Variants in IFT70A observed in about 807,000 individuals in gnomAD.
IFT70A encodes the protein intraflagellar transport 70A, also known as intraflagellar transport protein 70A.
chr2:177,616,917 T>C, the IFT70A span: 1 of 1,597,450 alleles, frequency 6.3e-7, no homozygotes, highest in South Asian at 1.1e-5. Flanking sequence ...TTGACATGTT[T>C]TCTAACAAGG....
the IFT70A span, chr2:177,614,295 G>A: frequency 2.6e-5 from 4 of 152,142 alleles, no homozygotes; most frequent in African/African-American, 7.2e-5. Flanking sequence ...AGTAAGGCAA[G>A]TGTCCTCTAA....
chr2:177,616,940 T>A, the IFT70A span: 4 of 1,604,834 alleles, frequency 2.5e-6, no homozygotes, highest in Admixed American at 6.9e-5. Context: ...AGGAAGCATC[T>A]TTTGGCATAA....
At chr2:177,618,272 C>G in the IFT70A span, 1 of 1,614,274 alleles carries the variant, frequency 6.2e-7, no homozygotes, top group Admixed American at 1.7e-5. Flanking sequence ...TCTTCTCCCC[C>G]TTCCCCACTC....
At chr2:177,616,743 C>A in the IFT70A span, 1 of 1,544,956 alleles carries the variant, frequency 6.5e-7, no homozygotes. Context: ...TCAAAGCTTT[C>A]AATTGTCTGG....
the IFT70A span, chr2:177,617,494 T>C: frequency 1.9e-6 from 3 of 1,614,208 alleles, no homozygotes; most frequent in African/African-American, 4.0e-5. Flanking sequence ...ATCATCTCTG[T>C]TGTGTCTTGC....
chr2:177,616,880 C>A, the IFT70A span: 1 of 1,593,592 alleles, frequency 6.3e-7, no homozygotes. Flanking sequence ...TCTTGAATAA[C>A]ACTGTCATGA....
At chr2:177,618,148 C>A in the IFT70A span, 1 of 1,614,206 alleles carries the variant, frequency 6.2e-7, no homozygotes. Context: ...AGGCTGGTAG[C>A]CCGAGGCCTG....
chr2:177,616,749 T>C, the IFT70A span: 1 of 1,557,712 alleles, frequency 6.4e-7, no homozygotes, highest in Non-Finnish European at 8.6e-7. Flanking sequence ...CTTTCAATTG[T>C]CTGGACTCAT....
chr2:177,617,814 C>G, the IFT70A span: 4 of 1,614,162 alleles, frequency 2.5e-6, no homozygotes, highest in Non-Finnish European at 3.4e-6. Flanking sequence ...CATCCATGTT[C>G]ATTAGTGCCT....
chr2:177,616,672 G>GCCATTTTGAAAAAAGCCACTAT, the IFT70A span: 8 of 1,467,052 alleles, frequency 5.5e-6, no homozygotes, highest in Non-Finnish European at 7.2e-6. Context: ...ACGTAAGAAA[G>GCCATTTTGAAAAAAGCCACTAT]CCATTTTGAA....
the IFT70A span, chr2:177,615,768 T>C: frequency 5.3e-5 from 8 of 152,140 alleles, no homozygotes; most frequent in Admixed American, 1.3e-4. Flanking sequence ...ATAGTTCAAA[T>C]GATTGTGAAA....
chr2:177,617,247 T>C, the IFT70A span: 4 of 1,585,096 alleles, frequency 2.5e-6, no homozygotes, highest in Non-Finnish European at 3.4e-6. Flanking sequence ...GCTTCTTGAC[T>C]ATGGGTTCAT....
At chr2:177,616,682 A>T in the IFT70A span, 1 of 1,461,654 alleles carries the variant, frequency 6.8e-7, no homozygotes, top group South Asian at 1.7e-5. Context: ...GCCATTTTGA[A>T]AAAAGCCACT....
the IFT70A span, chr2:177,617,936 G>T: frequency 6.2e-7 from 1 of 1,614,178 alleles, no homozygotes; most frequent in Non-Finnish European, 8.5e-7. Flanking sequence ...GCTGCCTTAA[G>T]GTTGAAGGCT....
the IFT70A span, chr2:177,613,708 T>C: frequency 5.9e-5 from 9 of 152,312 alleles, no homozygotes; most frequent in Admixed American, 3.9e-4. Flanking sequence ...AATGAAATAA[T>C]TGAAAATAAA....
chr2:177,618,094 T>C, the IFT70A span: 10 of 1,614,260 alleles, frequency 6.2e-6, no homozygotes, highest in Admixed American at 1.7e-5. Flanking sequence ...TGAGGCATAC[T>C]GTCGGCTGCT....
chr2:177,618,630 A>G, the IFT70A span: 3 of 1,610,072 alleles, frequency 1.9e-6, no homozygotes, highest in East Asian at 6.7e-5. Context: ...CGTAGCGGGC[A>G]TCGCGGATGA....
At chr2:177,614,035 A>G in the IFT70A span, 1 of 152,202 alleles carries the variant, frequency 6.6e-6, no homozygotes, top group Non-Finnish European at 1.5e-5. Flanking sequence ...TTTTCTAGTA[A>G]ATACACATTA....
the IFT70A span, chr2:177,616,885 T>C: frequency 6.3e-7 from 1 of 1,594,702 alleles, no homozygotes; most frequent in Non-Finnish European, 8.5e-7. Context: ...AATAACACTG[T>C]CATGAATGAC....
Sources: allele counts gnomAD v4.1 joint callset, GRCh38; gene constraint gnomAD v4.1.1; transcripts MANE v1.5; gene names NCBI Gene and HGNC (gene_info 2026-07-23, HGNC 2026-07-21).